Variants in WDPCP observed in about 807,000 individuals in gnomAD.
The protein encoded by WDPCP is WD repeat containing planar cell polarity effector.
Under a neutral mutation model 93.1 loss-of-function variants are expected in WDPCP, and 71 were observed. The ratio of observed to expected loss-of-function variants is 0.76; its 90% CI spans 0.63 to 0.93. The LOEUF (loss-of-function observed/expected upper bound fraction) is 0.93. WDPCP is among the 40% of genes least tolerant of loss of function. WDPCP has a pLI of 0.00. For missense variants in WDPCP, 844 were observed against 887.4 expected (o/e 0.95, Z 0.62); for synonymous variants, 315 against 315.0 (o/e 1.00, Z 0.00).
chr2:63,331,049 A>C (rs1687942233), intron 12 of WDPCP, among the ~76,000 whole-genome samples: 1 of 152,006 alleles, frequency 6.6e-6, no homozygotes, highest in Non-Finnish European at 1.5e-5. Context: ...TTTTTAGTAG[A>C]GGCAGGGTTT....
chr2:63,348,268 G>C (rs544995689), intron 12 of WDPCP, among the ~76,000 whole-genome samples: 8 of 152,148 alleles, frequency 5.3e-5, no homozygotes, highest in African/African-American at 9.7e-5. Flanking sequence ...AAACTTAGTT[G>C]TGTTTGACTC....
chr2:63,459,022 A>C (rs1033747997), intron 6 of WDPCP, among the ~76,000 whole-genome samples: 2 of 152,182 alleles, frequency 1.3e-5, no homozygotes, highest in African/African-American at 4.8e-5. Context: ...ATTCTTCTAT[A>C]TGTAGAAGAA....
chr2:63,691,094 T>C (rs1359325670), intron 2 of WDPCP, among the ~76,000 whole-genome samples: 2 of 152,214 alleles, frequency 1.3e-5, no homozygotes, highest in African/African-American at 4.8e-5. Flanking sequence ...AATGATAGCA[T>C]TTTTGCTCTC....
rs535306775 is a variant in WDPCP at position 63,204,758 on chromosome 2, TGTGAGATGGGTA to T, written c.1916-29938_1916-29927del. 3.2e-4 allele frequency among the ~76,000 whole-genome samples: 48 copies of T among 152,324 alleles called. 1 individual carries two copies. In the South Asian group the frequency reaches 8.1e-3, roughly 26 times the overall value. On this transcript the variant is annotated intron_variant, in intron 14 of 17. Coordinates refer to ENST00000272321, the MANE Select transcript of WDPCP (RefSeq NM_015910.7). ...TTATATATTCTGGTTATTAATCCCT[TGTGAGATGGGTA>T]GTTTGCGGTATTTTCCCCCATTCTG...
chr2:63,556,799 A>G (rs1167647768), intron 1 of WDPCP, among the ~76,000 whole-genome samples: 1 of 152,242 alleles, frequency 6.6e-6, no homozygotes, highest in Non-Finnish European at 1.5e-5. Context: ...AGGGAAGCCC[A>G]TCAGACTAAC....
chr2:63,377,863 C>T (rs4671494), intron 12 of WDPCP: 122,899 of 153,834 alleles, frequency 0.8, 49,970 homozygotes, highest in East Asian at 0.96. Flanking sequence ...TTAGAGAAAT[C>T]TCTTGACATT....
intron 12 of WDPCP, among the ~76,000 whole-genome samples, chr2:63,371,957 A>G (rs1336797590): frequency 6.6e-6 from 1 of 152,170 alleles, no homozygotes; most frequent in African/African-American, 2.4e-5. Flanking sequence ...CCATTCTTGC[A>G]TTGCTATAAA....
chr2:63,791,359 A>G (rs1670543306), intron 2 of WDPCP, among the ~76,000 whole-genome samples: 1 of 152,198 alleles, frequency 6.6e-6, no homozygotes, highest in African/African-American at 2.4e-5. Context: ...TTCCTTACTT[A>G]GTATTCCAAT....
intron 17 of WDPCP, 66 bp from the exon 18 acceptor site, chr2:63,122,122 C>A (rs529916161): frequency 1.1e-5 from 14 of 1,312,202 alleles, no homozygotes; most frequent in Non-Finnish European, 1.4e-5. Flanking sequence ...ACATTTGTAT[C>A]TTTATTATTT....
At chr2:63,152,364 T>C (rs956185362) in intron 17 of WDPCP, among the ~76,000 whole-genome samples, 2 of 151,610 alleles carry the variant, frequency 1.3e-5, no homozygotes, top group African/African-American at 2.4e-5. Flanking sequence ...AATTTCTTCC[T>C]CCTGGGTTCA....
chr2:63,386,200 A>G (rs1692717555), intron 10 of WDPCP, among the ~76,000 whole-genome samples: 1 of 152,128 alleles, frequency 6.6e-6, no homozygotes, highest in African/African-American at 2.4e-5. Context: ...AAAGAACATT[A>G]TGAACTGAAT....
intron 3 of WDPCP, among the ~76,000 whole-genome samples, chr2:63,609,536 A>C (rs1320480532): frequency 6.6e-6 from 1 of 152,182 alleles, no homozygotes; most frequent in Admixed American, 6.5e-5. Flanking sequence ...AAATGAATCA[A>C]ACATATCTTT....
intron 9 of WDPCP, among the ~76,000 whole-genome samples, chr2:63,430,650 G>A (rs936987411): frequency 9.2e-5 from 14 of 152,170 alleles, no homozygotes; most frequent in African/African-American, 1.7e-4. Flanking sequence ...TTGGGAGGCC[G>A]AGGCGGGCAG....
At chr2:63,343,689 G>A (rs1689004851) in intron 12 of WDPCP, among the ~76,000 whole-genome samples, 1 of 152,038 alleles carries the variant, frequency 6.6e-6, no homozygotes, top group Non-Finnish European at 1.5e-5. Context: ...TACAGACTCT[G>A]TTCATTTTTC....
chr2:63,494,240 T>C (rs1011655755), intron 1 of WDPCP, among the ~76,000 whole-genome samples: 1 of 151,642 alleles, frequency 6.6e-6, no homozygotes, highest in African/African-American at 2.4e-5. Flanking sequence ...CGTTAGTGGG[T>C]CCTCAAAGAA....
intron 3 of WDPCP, among the ~76,000 whole-genome samples, chr2:63,612,111 G>A (rs1709621301): frequency 6.6e-6 from 1 of 152,164 alleles, no homozygotes; most frequent in East Asian, 1.9e-4. Flanking sequence ...TAGAGTTACT[G>A]ATTAACAACG....
At chr2:63,345,643 T>C (rs1041763595) in intron 12 of WDPCP, among the ~76,000 whole-genome samples, 1 of 152,166 alleles carries the variant, frequency 6.6e-6, no homozygotes, top group Admixed American at 6.6e-5. Flanking sequence ...ACTCTAGAGA[T>C]GTTAAGATGC....
intron 3 of WDPCP, among the ~76,000 whole-genome samples, chr2:63,639,607 T>A (rs1709959436): frequency 6.6e-6 from 1 of 152,208 alleles, no homozygotes; most frequent in South Asian, 2.1e-4. Flanking sequence ...CACTTCTTAA[T>A]ACTGTTACAT....
At chr2:63,398,807 C>T (rs1379698624) in intron 10 of WDPCP, among the ~76,000 whole-genome samples, 1 of 151,642 alleles carries the variant, frequency 6.6e-6, no homozygotes, top group Non-Finnish European at 1.5e-5. Flanking sequence ...AGTGGGAAAA[C>T]TGCACATGCA....
Sources: allele counts gnomAD v4.1 joint callset (sites outside exome capture counted in the v4.1 genomes callset), GRCh38; gene constraint gnomAD v4.1.1; transcripts MANE v1.5; gene names NCBI Gene and HGNC (gene_info 2026-07-23, HGNC 2026-07-21).